Variants in SGCZ observed in about 807,000 individuals in gnomAD.
SGCZ encodes zeta-sarcoglycan.
In SGCZ, 40 loss-of-function variants were observed where a neutral mutation model predicts 41.3. That is an observed-to-expected ratio of 0.97 (90% confidence interval 0.75 to 1.26). The LOEUF (loss-of-function observed/expected upper bound fraction) is 1.26, where lower values mean the gene tolerates loss of function less well. Among genes scored for constraint, SGCZ ranks in the 50% most tolerant of loss-of-function variants. The pLI is 0.00. For synonymous variants in SGCZ, 206 were observed against 137.5 expected, an observed-to-expected ratio of 1.50 and a Z score of -3.49; for missense variants, 552 against 369.8, an observed-to-expected ratio of 1.49 and a Z score of -4.04.
intron 1 of SGCZ, among the ~76,000 whole-genome samples, chr8:14,990,537 T>C (rs979519294): frequency 2.6e-5 from 4 of 152,012 alleles, no homozygotes; most frequent in Admixed American, 6.6e-5. Context: ...GGGATCTAGG[T>C]TGCATGCTCC....
rs1241801529 is a variant in SGCZ, at chr8:14,285,670, A to G, written c.336+38433T>C. 2.6e-5 allele frequency among the ~76,000 whole-genome samples: 4 copies of G among 152,146 alleles called. No individual in the cohort carries two copies. In the East Asian group the frequency reaches 5.8e-4, roughly 22 times the overall value. ...TAAGAGAGGAAACAAAGAAGTCCTG[A>G]CTATCCCAAGAATAGTGGATAGTTG... On this transcript the variant is annotated intron_variant, in intron 3 of 7. Transcript: ENST00000382080.
chr8:14,570,476 C>T (rs1804517215), intron 1 of SGCZ, among the ~76,000 whole-genome samples: 1 of 152,194 alleles, frequency 6.6e-6, no homozygotes, highest in African/African-American at 2.4e-5. Context: ...ATTCACCTAC[C>T]TTAGAAACTT....
chr8:15,050,661 T>C (rs1048552623), intron 1 of SGCZ, among the ~76,000 whole-genome samples: 1 of 152,114 alleles, frequency 6.6e-6, no homozygotes, highest in African/African-American at 2.4e-5. Context: ...ATCAGAGAAC[T>C]TCAGTGGAGC....
At chr8:14,604,891 C>T (rs943588624) in intron 1 of SGCZ, among the ~76,000 whole-genome samples, 1 of 152,154 alleles carries the variant, frequency 6.6e-6, no homozygotes, top group African/African-American at 2.4e-5. Context: ...ATAGACCTTT[C>T]AGTAACAGTT....
At chr8:14,725,616 G>C (rs1221918207) in intron 1 of SGCZ, among the ~76,000 whole-genome samples, 2 of 152,124 alleles carry the variant, frequency 1.3e-5, no homozygotes, top group Admixed American at 1.3e-4. Flanking sequence ...CAATGTGAAG[G>C]CAAATTTAAT....
intron 1 of SGCZ, among the ~76,000 whole-genome samples, chr8:15,078,687 A>G (rs982115798): frequency 5.3e-5 from 8 of 151,908 alleles, no homozygotes; most frequent in Non-Finnish European, 1.0e-4. Context: ...TCTCTGATAT[A>G]AATATATGTG....
intron 1 of SGCZ, among the ~76,000 whole-genome samples, chr8:14,885,985 T>TTATATATA (rs71209089): frequency 2.0e-3 from 114 of 55,956 alleles, no homozygotes; most frequent in Non-Finnish European, 2.5e-3. Flanking sequence ...GGACTTTATG[T>TTATATATA]TATATATATA....
intron 1 of SGCZ, among the ~76,000 whole-genome samples, chr8:14,629,649 C>T (rs1806580950): frequency 6.6e-6 from 1 of 152,100 alleles, no homozygotes; most frequent in African/African-American, 2.4e-5. Flanking sequence ...CAAACACATC[C>T]ATGGTATTTG....
At chr8:14,324,941 A>G (rs1275886917) in intron 2 of SGCZ, among the ~76,000 whole-genome samples, 2 of 152,182 alleles carry the variant, frequency 1.3e-5, no homozygotes, top group Non-Finnish European at 2.9e-5. Flanking sequence ...GAACAAAATA[A>G]ACATTCTGGC....
chr8:14,383,661 A>T (rs1050999252), intron 2 of SGCZ, among the ~76,000 whole-genome samples: 4 of 152,350 alleles, frequency 2.6e-5, no homozygotes, highest in African/African-American at 9.6e-5. Flanking sequence ...AAGTGACAAA[A>T]AAATGTGCTG....
chr8:14,996,742 G>C (rs1262801482), intron 1 of SGCZ, among the ~76,000 whole-genome samples: 1 of 152,188 alleles, frequency 6.6e-6, no homozygotes, highest in Non-Finnish European at 1.5e-5. Flanking sequence ...CCAAGGTCTT[G>C]GTTGTCCGTG....
At chr8:15,110,685 G>T (rs1807013275) in intron 1 of SGCZ, among the ~76,000 whole-genome samples, 1 of 152,160 alleles carries the variant, frequency 6.6e-6, no homozygotes, top group African/African-American at 2.4e-5. Context: ...AGTTTTTAAA[G>T]AGGCCAGGCG....
chr8:14,607,122 G>C (rs1272343690), intron 1 of SGCZ, among the ~76,000 whole-genome samples: 1 of 151,948 alleles, frequency 6.6e-6, no homozygotes, highest in African/African-American at 2.4e-5. Flanking sequence ...CTGTAAAATG[G>C]GGATAATAAC....
chr8:14,432,130 T>C (rs558960725), intron 2 of SGCZ, among the ~76,000 whole-genome samples: 66 of 152,276 alleles, frequency 4.3e-4, no homozygotes, highest in African/African-American at 1.0e-3. Context: ...GGAGATTCTT[T>C]GAAGAACTAA....
At chr8:14,964,616 T>C (rs773185571) in intron 1 of SGCZ, among the ~76,000 whole-genome samples, 48 of 152,312 alleles carry the variant, frequency 3.2e-4, no homozygotes, top group Middle Eastern at 6.8e-3. Flanking sequence ...AGCTTTGCAA[T>C]GGGATAACCC....
At chr8:15,237,256 C>A (rs911891895) in intron 1 of SGCZ, among the ~76,000 whole-genome samples, 2 of 151,986 alleles carry the variant, frequency 1.3e-5, no homozygotes, top group Admixed American at 6.5e-5. Flanking sequence ...GCCGCTGCCC[C>A]CCCCGGGGAG....
chr8:15,022,034 G>A (rs1168097369), intron 1 of SGCZ, among the ~76,000 whole-genome samples: 5 of 152,278 alleles, frequency 3.3e-5, no homozygotes, highest in African/African-American at 1.2e-4. Context: ...CTGTAATAAT[G>A]CTATAAACTG....
intron 1 of SGCZ, among the ~76,000 whole-genome samples, chr8:14,968,195 T>C (rs117634700): frequency 6.6e-6 from 1 of 152,268 alleles, no homozygotes; most frequent in East Asian, 1.9e-4. Context: ...TTTCATTTGA[T>C]TTATTCAAGC....
intron 1 of SGCZ, among the ~76,000 whole-genome samples, chr8:14,826,685 T>C (rs1314739828): frequency 6.6e-6 from 1 of 152,164 alleles, no homozygotes; most frequent in African/African-American, 2.4e-5. Flanking sequence ...TGATAGCCAG[T>C]GATGATGAGC....
Sources: allele counts gnomAD v4.1 joint callset (sites outside exome capture counted in the v4.1 genomes callset), GRCh38; gene constraint gnomAD v4.1.1; transcripts MANE v1.5; gene names NCBI Gene and HGNC (gene_info 2026-07-23, HGNC 2026-07-21).